PLXDC2: variants seen among roughly 807,000 people sequenced by gnomAD.
The protein encoded by PLXDC2 is plexin domain-containing protein 2.
A neutral mutation model predicts 68.9 loss-of-function variants in PLXDC2; 40 were observed. That is an observed-to-expected ratio of 0.58 (90% CI 0.45 to 0.76). The LOEUF (loss-of-function observed/expected upper bound fraction) is 0.76, where lower values mean the gene tolerates loss of function less well. Among genes scored for constraint, PLXDC2 ranks in the 30% least tolerant of loss-of-function variants. The pLI, the probability that PLXDC2 is intolerant of heterozygous loss-of-function variation, is 0.00. For synonymous variants in PLXDC2, 243 were observed against 234.2 expected (o/e 1.04, Z -0.34); for missense variants, 644 against 661.9 (o/e 0.97, Z 0.30).
rs1054037732 is a variant in PLXDC2, at chr10:20,228,380, G to A, written c.1312+9278G>A. 2.6e-5 allele frequency among the ~76,000 whole-genome samples: 4 copies of A among 152,056 alleles called. No individual in the cohort carries two copies. In the East Asian group the frequency reaches 7.8e-4, roughly 30 times the overall value. On this transcript the variant is annotated intron_variant, in intron 12 of 13. Coordinates refer to ENST00000377252, the MANE Select transcript of PLXDC2 (RefSeq NM_032812.9). The stretch of plus-strand genomic sequence containing the variant: ...GCTTGAGACTAGCCTGGGCAACACA[G>A]GGAAACCCTGTCTCTACAAAAAAAT...
At chr10:20,157,329 G>A (rs1027369348) in intron 6 of PLXDC2, among the ~76,000 whole-genome samples, 1 of 152,094 alleles carries the variant, frequency 6.6e-6, no homozygotes, top group African/African-American at 2.4e-5. Context: ...TCCAGTTAAG[G>A]TTAGATAGGC....
chr10:20,007,156 A>G (rs1378872809), intron 2 of PLXDC2, among the ~76,000 whole-genome samples: 1 of 152,214 alleles, frequency 6.6e-6, no homozygotes, highest in African/African-American at 2.4e-5. Context: ...TCCACAACTC[A>G]GGGACATATG....
intron 2 of PLXDC2, among the ~76,000 whole-genome samples, chr10:20,002,283 G>A (rs1158176382): frequency 6.8e-6 from 1 of 146,408 alleles, no homozygotes; most frequent in Non-Finnish European, 1.5e-5. Flanking sequence ...TTTTGAGATG[G>A]AGTATCACTC....
chr10:20,085,076 G>C (rs1833172573), intron 4 of PLXDC2, among the ~76,000 whole-genome samples: 1 of 151,664 alleles, frequency 6.6e-6, no homozygotes, highest in African/African-American at 2.4e-5. Flanking sequence ...TTTTCCTCCA[G>C]AGTTGCTGGG....
intron 1 of PLXDC2, among the ~76,000 whole-genome samples, chr10:19,885,702 C>T (rs1174422836): frequency 6.6e-6 from 1 of 151,736 alleles, no homozygotes; most frequent in Admixed American, 6.6e-5. Context: ...TGTTCTGTTC[C>T]ATTGATCTAT....
chr10:20,153,906 C>A (rs764813165), intron 6 of PLXDC2, among the ~76,000 whole-genome samples: 1 of 152,136 alleles, frequency 6.6e-6, no homozygotes, highest in African/African-American at 2.4e-5. Context: ...TGACAGTCTT[C>A]CTTAGCCAGT....
At chr10:20,258,418 G>A (rs2119361929) in intron 13 of PLXDC2, among the ~76,000 whole-genome samples, 1 of 152,060 alleles carries the variant, frequency 6.6e-6, no homozygotes, top group African/African-American at 2.4e-5. Flanking sequence ...TACTTACTCT[G>A]TTTCCTTCCC....
intron 4 of PLXDC2, among the ~76,000 whole-genome samples, chr10:20,072,918 A>G (rs1836361219): frequency 1.3e-5 from 2 of 152,196 alleles, no homozygotes; most frequent in Admixed American, 6.5e-5. Flanking sequence ...CTAGACAGAT[A>G]CTATAATCAG....
At chr10:20,143,676 A>G (rs11011825) in intron 5 of PLXDC2, among the ~76,000 whole-genome samples, 40,847 of 151,980 alleles carry the variant, frequency 0.27, 6,160 homozygotes, top group East Asian at 0.5. Context: ...AAGCAAACGC[A>G]TTTATTTGAT....
In PLXDC2 at chr10:20,082,064, C is replaced by CAAAAAAAAAAAAAAAAAAAAAAA. The variant is rs1252447303; in HGVS notation, c.541+13837_541+13838insAAAAAAAAAAAAAAAAAAAAAAA. 2.9e-5 allele frequency among the ~76,000 whole-genome samples: 2 copies of CAAAAAAAAAAAAAAAAAAAAAAA among 70,156 alleles called. 1 individual carries two copies. The allele number at this position is 70,156 out of a possible 152,430, so 46.0% of individuals were successfully genotyped here. On this transcript the variant is annotated intron_variant, in intron 4 of 13. Transcript: ENST00000377252. Reference sequence around the variant, plus strand: ...CCATCTGAAAAAAAAAAAAAAAAATCAAAAAAAAAAAACAGGAGAAGTCTG... The same window carrying CAAAAAAAAAAAAAAAAAAAAAAA: ...CCATCTGAAAAAAAAAAAAAAAAATCAAAAAAAAAAAAAAAAAAAAAAAAAAAAAAAAAAACAGGAGAAGTCTG...
intron 13 of PLXDC2, among the ~76,000 whole-genome samples, chr10:20,252,403 CAATT>C (rs1166425681): frequency 5.3e-5 from 8 of 152,136 alleles, no homozygotes; most frequent in Non-Finnish European, 1.2e-4. Flanking sequence ...AATTTTATTA[CAATT>C]AATTTTATTC....
At chr10:19,994,637 C>T (rs1834811576) in intron 1 of PLXDC2, among the ~76,000 whole-genome samples, 1 of 152,076 alleles carries the variant, frequency 6.6e-6, no homozygotes, top group Non-Finnish European at 1.5e-5. Flanking sequence ...GCATGAGCCA[C>T]TGCACTCAGT....
chr10:20,009,225 T>C (rs922351538), intron 2 of PLXDC2, among the ~76,000 whole-genome samples: 3 of 152,232 alleles, frequency 2.0e-5, no homozygotes, highest in Non-Finnish European at 4.4e-5. Context: ...GTCTTTACAC[T>C]ACTATTGTGC....
In PLXDC2 at chr10:20,285,527, G is replaced by A. The variant is rs1056950464; in HGVS notation, c.*5708G>A. On this transcript the variant is annotated 3_prime_UTR_variant, in exon 14 of 14. Transcript: ENST00000377252. ...ACTAGAAACTGTTTGCCTGAAGAATGTGTCTGAAACATAATATATCACTGC... is the reference window on the plus strand; with the variant it reads ...ACTAGAAACTGTTTGCCTGAAGAATATGTCTGAAACATAATATATCACTGC... 1 of 152,114 alleles carries A rather than the reference G, an allele frequency of 6.6e-6. No individual in the cohort carries two copies. Among genetic ancestry groups the A allele is most frequent in the Non-Finnish European group, 1.5e-5 (1 of 68,020 alleles). The allele number at this position is 152,114 out of a possible 1,614,324, so 9.4% of individuals were successfully genotyped here.
intron 4 of PLXDC2, among the ~76,000 whole-genome samples, chr10:20,080,776 C>A (rs949236581): frequency 1.3e-5 from 2 of 152,114 alleles, no homozygotes; most frequent in Admixed American, 6.5e-5. Flanking sequence ...TCAAGTTGAC[C>A]CCATCACACA....
intron 1 of PLXDC2, among the ~76,000 whole-genome samples, chr10:19,954,792 T>C (rs932942915): frequency 1.3e-5 from 2 of 152,184 alleles, no homozygotes; most frequent in Non-Finnish European, 2.9e-5. Context: ...AACATATTTC[T>C]GTCACAATTT....
At chr10:19,958,592 T>C (rs1180943794) in intron 1 of PLXDC2, among the ~76,000 whole-genome samples, 1 of 152,136 alleles carries the variant, frequency 6.6e-6, no homozygotes, top group East Asian at 1.9e-4. Context: ...TAAAATATGA[T>C]TTTCCAGGGC....
chr10:20,082,064 C>CAAAAAAAAAAAA lies in PLXDC2; in HGVS notation c.541+13826_541+13837dup, dbSNP rs1252447303. Among the ~76,000 whole-genome samples the CAAAAAAAAAAAA allele has an allele frequency of 2.9e-3, 200 of 70,060 alleles. 41 individuals carry two copies. Among genetic ancestry groups the CAAAAAAAAAAAA allele is most frequent in the East Asian group, 3.7e-3 (6 of 1,626 alleles). The allele number at this position is 70,060 out of a possible 152,430, so 46.0% of individuals were successfully genotyped here. ...CCATCTGAAAAAAAAAAAAAAAAAT[C>CAAAAAAAAAAAA]AAAAAAAAAAAACAGGAGAAGTCTG... On this transcript the variant is annotated intron_variant, in intron 4 of 13. Coordinates refer to ENST00000377252, the MANE Select transcript of PLXDC2 (RefSeq NM_032812.9).
chr10:20,013,056 CTT>C (rs1835145292), intron 2 of PLXDC2, among the ~76,000 whole-genome samples: 1 of 152,160 alleles, frequency 6.6e-6, no homozygotes, highest in African/African-American at 2.4e-5. Flanking sequence ...ATTTCTAACT[CTT>C]TTGTAAACTT....
Sources: gnomAD v4.1 joint callset for allele counts (sites outside exome capture counted in the v4.1 genomes callset) on GRCh38, gnomAD v4.1.1 for gene constraint, MANE v1.5 for transcripts, NCBI Gene and HGNC (gene_info 2026-07-23, HGNC 2026-07-21) for gene names.